Variants in MKX observed in about 807,000 individuals in gnomAD.
MKX encodes the protein homeobox protein Mohawk.
In MKX, 13 loss-of-function variants were observed where a neutral mutation model predicts 36.0. The observed-to-expected ratio is 0.36, with a 90% CI of 0.24 to 0.57. MKX has a LOEUF of 0.57. MKX is among the 20% of genes least tolerant of loss of function. The pLI is 0.79. For missense variants in MKX, 458 were observed against 456.4 expected, an observed-to-expected ratio of 1.00 and a Z score of -0.03; for synonymous variants, 176 against 178.3, an observed-to-expected ratio of 0.99 and a Z score of 0.10.
chr10:27,713,226 T>C (rs574143528), intron 5 of MKX, among the ~76,000 whole-genome samples: 1 of 152,334 alleles, frequency 6.6e-6, no homozygotes, highest in South Asian at 2.1e-4. Flanking sequence ...CCTTCCATAG[T>C]GTGCAATCAA....
chr10:27,743,189 G>A, intron 2 of MKX, 39 bp downstream of exon 2: 2 of 1,421,146 alleles, frequency 1.4e-6, no homozygotes, highest in South Asian at 1.7e-5. Context: ...CACCCCTCCG[G>A]GCCGCAGGCG....
intron 5 of MKX, among the ~76,000 whole-genome samples, chr10:27,727,585 T>C (rs1834518922): frequency 6.6e-6 from 1 of 152,260 alleles, no homozygotes; most frequent in African/African-American, 2.4e-5. Flanking sequence ...GTATTCCGAA[T>C]AGTGCTTAAG....
chr10:27,694,822 C>G (rs1199230231), intron 5 of MKX, among the ~76,000 whole-genome samples: 1 of 151,490 alleles, frequency 6.6e-6, no homozygotes, highest in Non-Finnish European at 1.5e-5. Flanking sequence ...TACAAAAAAG[C>G]CTGGCACTCG....
chr10:27,677,600 C>CT (rs1351662555), intron 5 of MKX, among the ~76,000 whole-genome samples: 1 of 152,162 alleles, frequency 6.6e-6, no homozygotes, highest in Non-Finnish European at 1.5e-5. Flanking sequence ...TGAGTTAAGC[C>CT]TTAAGGTGTA....
In MKX at chr10:27,707,044, T is replaced by TATTTTACAAATGCATTGGTC. The variant is rs1554771713; in HGVS notation, c.838+27411_838+27412insGACCAATGCATTTGTAAAAT. On this transcript the variant is annotated intron_variant, in intron 5 of 6. Coordinates refer to ENST00000419761, the MANE Select transcript of MKX (RefSeq NM_173576.3). ...TCACAGAAGAAAGGATTCTCAATGA[T>TATTTTACAAATGCATTGGTC]TATTTGTTAACAGATTGATGAACTG... 1.1e-4 allele frequency among the ~76,000 whole-genome samples: 16 copies of TATTTTACAAATGCATTGGTC among 151,702 alleles called. No homozygotes were observed. The East Asian group carries it at 2.5e-3, about 23-fold the overall frequency.
intron 5 of MKX, among the ~76,000 whole-genome samples, chr10:27,711,501 T>C (rs1235702905): frequency 3.1e-4 from 15 of 48,612 alleles, no homozygotes; most frequent in African/African-American, 2.0e-3. Context: ...CTCTCTTCTT[T>C]CCTTCCTTCC....
intron 5 of MKX, among the ~76,000 whole-genome samples, chr10:27,716,367 C>G (rs1836963376): frequency 6.9e-6 from 1 of 144,952 alleles, no homozygotes. Context: ...AGGCTGCAGT[C>G]AGTCATGATC....
chr10:27,719,221 G>C (rs1231465988), intron 5 of MKX, among the ~76,000 whole-genome samples: 1 of 152,192 alleles, frequency 6.6e-6, no homozygotes, highest in African/African-American at 2.4e-5. Context: ...ATGGCATCAA[G>C]TTGGTGGGGA....
In MKX at chr10:27,741,239, C is replaced by T; in HGVS notation, c.348+106G>A. The stretch of plus-strand genomic sequence containing the variant: ...AAACTCCCACAGCTCGGCTCCATCC[C>T]TCTCCAGGTAGAAGCGCCACGTGGA... On this transcript the variant is annotated intron_variant, in intron 3 of 6. Transcript: ENST00000419761. The surrounding 1 kb of genome is among the most constrained non-coding windows in gnomAD (Gnocchi z 5.1). 3 of 1,439,342 alleles carry T rather than the reference C, an allele frequency of 2.1e-6. No individual in the cohort carries two copies. Among genetic ancestry groups the T allele is most frequent in the Non-Finnish European group, 2.9e-6 (3 of 1,041,212 alleles). The allele number at this position is 1,439,342 out of a possible 1,614,324, so 89.2% of individuals were successfully genotyped here.
intron 5 of MKX, among the ~76,000 whole-genome samples, chr10:27,677,541 C>T (rs1836176562): frequency 6.6e-6 from 1 of 152,184 alleles, no homozygotes; most frequent in East Asian, 1.9e-4. Context: ...AGCCAAGCTT[C>T]GATGCCCTCT....
chr10:27,673,262 T>C lies in MKX; in HGVS notation c.*1967A>G, dbSNP rs989316157. The C allele has an allele frequency of 1.1e-4, 16 of 152,350 alleles. No individual in the cohort carries two copies. Among genetic ancestry groups the C allele is most frequent in the African/African-American group, 3.9e-4 (16 of 41,456 alleles). 9.4% of individuals were successfully genotyped at this position (152,350 alleles called of 1,614,324 possible). A position where few individuals can be genotyped will look rare whatever the true frequency, so the allele number is the denominator to read the frequency against. The stretch of plus-strand genomic sequence containing the variant: ...GCCTTGTCATCTATAATTTATAACA[T>C]AGAAGAAATTTGCTGATTTTTTTAA... On this transcript the variant is annotated 3_prime_UTR_variant, in exon 7 of 7. Coordinates refer to ENST00000419761, the MANE Select transcript of MKX (RefSeq NM_173576.3).
rs778944448 is a variant in MKX at position 27,742,624 on chromosome 10, C to G, written c.188+604G>C. 1.6e-3 allele frequency among the ~76,000 whole-genome samples: 238 copies of G among 151,974 alleles called. No individual in the cohort carries two copies. Among genetic ancestry groups the G allele is most frequent in the Non-Finnish European group, 2.3e-3 (159 of 67,878 alleles). ...GCCCACCCGCAAGCTACCGCCCCCC[C>G]CAGCATACCCCTCACCCCGCTAAAC... On this transcript the variant is annotated intron_variant, in intron 2 of 6. Transcript: ENST00000419761. The surrounding 1 kb of genome is among the most constrained non-coding windows in gnomAD (Gnocchi z 4.2).
chr10:27,712,537 A>T (rs1482428215), intron 5 of MKX, among the ~76,000 whole-genome samples: 1 of 152,126 alleles, frequency 6.6e-6, no homozygotes, highest in East Asian at 1.9e-4. Context: ...GAGTAGAACC[A>T]GTGAGGTGCT....
chr10:27,736,213 C>A (rs1020310253), intron 3 of MKX, among the ~76,000 whole-genome samples: 1 of 152,120 alleles, frequency 6.6e-6, no homozygotes, highest in African/African-American at 2.4e-5. Flanking sequence ...AAAGTGGGAT[C>A]TGTTCGCTTC....
At chr10:27,716,090 A>G (rs1836958850) in intron 5 of MKX, among the ~76,000 whole-genome samples, 1 of 152,204 alleles carries the variant, frequency 6.6e-6, no homozygotes, top group African/African-American at 2.4e-5. Flanking sequence ...ACATTCTGCT[A>G]TTTAAGTCTG....
chr10:27,714,475 G>A (rs2637292), intron 5 of MKX, among the ~76,000 whole-genome samples: 140,238 of 152,288 alleles, frequency 0.92, 64,580 homozygotes, highest in East Asian at 1. Context: ...TTAATACAAG[G>A]TGATCAAAAA....
intron 5 of MKX, among the ~76,000 whole-genome samples, chr10:27,701,368 TTATA>T (rs60262269): frequency 1.3e-3 from 195 of 145,142 alleles, no homozygotes; most frequent in African/African-American, 4.4e-3. Flanking sequence ...AAAGATGATT[TTATA>T]TATATATATA....
chr10:27,721,977 T>C (rs940193324), intron 5 of MKX, among the ~76,000 whole-genome samples: 11 of 152,118 alleles, frequency 7.2e-5, no homozygotes, highest in Non-Finnish European at 1.5e-4. Flanking sequence ...GAGAAAAAAG[T>C]AGTCTGATCA....
intron 3 of MKX, among the ~76,000 whole-genome samples, chr10:27,737,612 C>T (rs1339207497): frequency 6.6e-6 from 1 of 152,050 alleles, no homozygotes; most frequent in East Asian, 1.9e-4. Flanking sequence ...ATGTTAATTT[C>T]CTTTATACTA....
Sources: allele counts gnomAD v4.1 joint callset (sites outside exome capture counted in the v4.1 genomes callset), GRCh38; gene constraint gnomAD v4.1.1; non-coding constraint Gnocchi (gnomAD v3.1); transcripts MANE v1.5; gene names NCBI Gene and HGNC (gene_info 2026-07-23, HGNC 2026-07-21).